Variants in MYO5B observed in about 807,000 individuals in gnomAD.
MYO5B encodes unconventional myosin-Vb.
A neutral mutation model predicts 229.3 loss-of-function variants in MYO5B; 143 were observed. The observed-to-expected ratio is 0.62, with a 90% CI of 0.54 to 0.72. The LOEUF is 0.72. Ranked by LOEUF, MYO5B falls within the 30% of genes least tolerant of loss-of-function variation. The pLI is 0.00. For missense variants in MYO5B, 2,321 were observed against 2,331.0 expected (o/e 1.00, Z 0.09); for synonymous variants, 918 against 885.2 (o/e 1.04, Z -0.66).
At chr18:49,856,969 G>A in intron 29 of MYO5B, 79 bp from the exon 30 acceptor site, 1 of 1,267,150 alleles carries the variant, frequency 7.9e-7, no homozygotes, top group Non-Finnish European at 1.2e-6. Flanking sequence ...GGAAAGTGAG[G>A]AGATTCTAGC....
At chr18:50,043,259 CAT>C (rs2030076179) in intron 2 of MYO5B, among the ~76,000 whole-genome samples, 1 of 112,890 alleles carries the variant, frequency 8.9e-6, no homozygotes, top group South Asian at 2.6e-4. Context: ...CATAAATATT[CAT>C]ATATTTATAA....
At position 49,974,777 on chromosome 18, in the gene MYO5B, T is replaced by TCACACACACACA. The variant is rs1568054668; in HGVS notation, c.1057-163_1057-162insTGTGTGTGTGTG. Among the ~76,000 whole-genome samples, 9 of 8,872 alleles carry TCACACACACACA rather than the reference T, an allele frequency of 1.0e-3. No individual in the cohort carries two copies. In the Admixed American group the frequency reaches 0.021, roughly 21 times the overall value. The allele number at this position is 8,872 out of a possible 152,430, so 5.8% of individuals were successfully genotyped here. ...GCCCTGCTGCCAGCCCAGCAGTCTCTCTCACACACACACACACACAGACAC... is the reference window on the plus strand; with the variant it reads ...GCCCTGCTGCCAGCCCAGCAGTCTCTCACACACACACACTCACACACACACACACACAGACAC... On this transcript the variant is annotated intron_variant, in intron 9 of 39. Transcript: ENST00000285039.
chr18:49,880,646 A>G, intron 22 of MYO5B, 191 bp from the exon 23 acceptor site: 1 of 618,248 alleles, frequency 1.6e-6, no homozygotes. Context: ...AAGACAGATG[A>G]GCTCAGCACT....
At chr18:49,875,373 A>G (rs1246035653) in intron 26 of MYO5B, among the ~76,000 whole-genome samples, 4 of 152,078 alleles carry the variant, frequency 2.6e-5, no homozygotes, top group Non-Finnish European at 2.9e-5. Flanking sequence ...TGCTGTATTT[A>G]CACTCTTATT....
rs777038090 is a variant in MYO5B, at chr18:49,904,773, G to C, written c.2470C>G (p.Arg824Gly). Residue 824 changes from arginine (R) to glycine (G), a missense_variant, in exon 20 of 40, where the codon CGC becomes GGC. By Grantham distance (125) the Arg-to-Gly change is moderately radical. Transcript: ENST00000285039. Reference sequence around the variant, plus strand: ...TAGGCCTGGCGGGCCCTCTGCATGCGGTAATGTTTCTGGAGCACCACAGCC... The same window carrying C: ...TAGGCCTGGCGGGCCCTCTGCATGCCGTAATGTTTCTGGAGCACCACAGCC... Reference protein sequence around the residue: ...RAAVVLQKHYRMQRARQAYQR... With the variant: ...RAAVVLQKHYGMQRARQAYQR... The C allele has an allele frequency of 1.9e-6, 3 of 1,613,858 alleles. No individual in the cohort carries two copies. The highest frequency in any genetic ancestry group is 1.3e-5 in the African/African-American group (1 of 74,910).
intron 39 of MYO5B, among the ~76,000 whole-genome samples, chr18:49,829,024 A>T (rs1409502518): frequency 6.6e-6 from 1 of 152,128 alleles, no homozygotes; most frequent in African/African-American, 2.4e-5. Flanking sequence ...GATGGAAAAA[A>T]TAGAGAACAG....
intron 14 of MYO5B, among the ~76,000 whole-genome samples, chr18:49,951,783 T>C (rs72929869): frequency 6.6e-6 from 1 of 152,328 alleles, no homozygotes; most frequent in Non-Finnish European, 1.5e-5. Context: ...GTCACAGGCC[T>C]CCAGGCATCG....
intron 14 of MYO5B, among the ~76,000 whole-genome samples, chr18:49,942,095 C>T (rs546904768): frequency 1.4e-5 from 2 of 146,876 alleles, no homozygotes; most frequent in African/African-American, 2.6e-5. Flanking sequence ...GAAAGGATTC[C>T]CTATTTAACA....
At position 49,963,914 on chromosome 18, in the gene MYO5B, G is replaced by A. The variant is rs571995986; in HGVS notation, c.1323-884C>T. 3.9e-5 allele frequency among the ~76,000 whole-genome samples: 6 copies of A among 152,218 alleles called. No homozygotes were observed. The South Asian group carries it at 1.0e-3, about 26-fold the overall frequency. On this transcript the variant is annotated intron_variant, in intron 10 of 39. Transcript: ENST00000285039. ...GTGCTGAAATTCAGTCAGCCCCCTC[G>A]CAAGCCCCAGAGGGGTGTGTTCCAT... is the stretch of plus-strand genomic sequence containing the variant.
intron 10 of MYO5B, among the ~76,000 whole-genome samples, chr18:49,966,112 A>C (rs554804347): frequency 9.3e-4 from 141 of 152,238 alleles, no homozygotes; most frequent in South Asian, 3.5e-3. Flanking sequence ...TGCAGAGGGA[A>C]CACCACAGAT....
rs2032894672 is a variant in MYO5B, at chr18:50,169,271, C to A, written c.27+25496G>T. On this transcript the variant is annotated intron_variant, in intron 1 of 39. Transcript: ENST00000285039. ...TGAGCGATAATGATGCCAGTATACT[C>A]CAGCCTGGGCAAAGAGCAAGACCTT... Among the ~76,000 whole-genome samples, 2 of 127,610 alleles carry A rather than the reference C, an allele frequency of 1.6e-5. 1 individual carries two copies. Among genetic ancestry groups the A allele is most frequent in the South Asian group, 5.4e-4 (2 of 3,678 alleles). The allele number at this position is 127,610 out of a possible 152,430, so 83.7% of individuals were successfully genotyped here.
At chr18:50,022,333 A>T (rs1444861293) in intron 4 of MYO5B, among the ~76,000 whole-genome samples, 1 of 152,242 alleles carries the variant, frequency 6.6e-6, no homozygotes, top group African/African-American at 2.4e-5. Flanking sequence ...CAATTAAATA[A>T]CATTCATATA....
intron 29 of MYO5B, among the ~76,000 whole-genome samples, chr18:49,857,934 T>C (rs2024282350): frequency 6.6e-6 from 1 of 152,214 alleles, no homozygotes; most frequent in East Asian, 1.9e-4. Flanking sequence ...GGAGTACTCC[T>C]CCTGCAGGCC....
intron 5 of MYO5B, among the ~76,000 whole-genome samples, chr18:49,993,344 A>T (rs1227721621): frequency 6.6e-6 from 1 of 151,868 alleles, no homozygotes; most frequent in Non-Finnish European, 1.5e-5. Context: ...TACAAGCAGA[A>T]GAACTATTAG....
chr18:49,963,448 G>A (rs1034169505), intron 10 of MYO5B, among the ~76,000 whole-genome samples: 1 of 150,310 alleles, frequency 6.7e-6, no homozygotes, highest in South Asian at 2.1e-4. Flanking sequence ...TTTGAGACAT[G>A]GTCTGACTCT....
intron 37 of MYO5B, 107 bp from the exon 38 acceptor site, chr18:49,836,992 T>C: frequency 9.3e-7 from 1 of 1,075,910 alleles, no homozygotes; most frequent in South Asian, 1.4e-5. Flanking sequence ...TGCCATTATT[T>C]ATCTCACACG....
rs7234247 is a variant in MYO5B, at chr18:49,990,566, C to G, written c.757-46G>C. The G allele has an allele frequency of 0.011, 16,920 of 1,504,592 alleles. 1,556 individuals are homozygous for G. In the African/African-American group the frequency reaches 0.2, roughly 18 times the overall value. 93.2% of individuals were successfully genotyped at this position (1,504,592 alleles called of 1,614,324 possible). On this transcript the variant is annotated intron_variant, in intron 6 of 39. Coordinates refer to ENST00000285039, the MANE Select transcript of MYO5B (RefSeq NM_001080467.3). ...GCAGTTTTAGGGCAGTGACCTCTAA[C>G]ATCGTTCCCTCTGCCACTGTAATCC...
chr18:49,924,877 T>C (rs1337511132), intron 17 of MYO5B, among the ~76,000 whole-genome samples: 2 of 152,166 alleles, frequency 1.3e-5, no homozygotes, highest in Non-Finnish European at 2.9e-5. Context: ...CATGCCACAA[T>C]GTCCTTTCTC....
intron 4 of MYO5B, among the ~76,000 whole-genome samples, chr18:50,015,023 A>G (rs937937438): frequency 1.3e-5 from 2 of 152,244 alleles, no homozygotes; most frequent in Non-Finnish European, 2.9e-5. Flanking sequence ...GGGTCTTGCT[A>G]GATTTCAAAA....
Sources: gnomAD v4.1 joint callset for allele counts (sites outside exome capture counted in the v4.1 genomes callset) on GRCh38, gnomAD v4.1.1 for gene constraint, MANE v1.5 for transcripts, NCBI Gene and HGNC (gene_info 2026-07-23, HGNC 2026-07-21) for gene names.